The following BBS9 variants were observed in gnomAD, a reference collection of about 807,000 sequenced individuals.
BBS9 encodes protein PTHB1.
A neutral mutation model predicts 117.7 loss-of-function variants in BBS9; 89 were observed. The ratio of observed to expected loss-of-function variants is 0.76; its 90% CI spans 0.64 to 0.90. BBS9 has a LOEUF of 0.90. Among genes scored for constraint, BBS9 ranks in the 40% least tolerant of loss-of-function variants. The probability of loss-of-function intolerance (pLI) is 0.00; values close to 1 mark genes in which losing one functional copy is unlikely to be tolerated. For missense variants in BBS9, 982 were observed against 1,042.2 expected, an observed-to-expected ratio of 0.94 and a Z score of 0.80; for synonymous variants, 379 against 370.9, an observed-to-expected ratio of 1.02 and a Z score of -0.25.
chr7:33,311,285 T>G (rs1477164911), intron 9 of BBS9, among the ~76,000 whole-genome samples: 1 of 152,190 alleles, frequency 6.6e-6, no homozygotes, highest in Non-Finnish European at 1.5e-5. Flanking sequence ...TCCAGGGGTC[T>G]GTTCAAAGGG....
chr7:33,443,179 TTAAGCCAAATATC>T (rs891283697), intron 19 of BBS9, among the ~76,000 whole-genome samples: 37 of 152,296 alleles, frequency 2.4e-4, no homozygotes, highest in African/African-American at 8.4e-4. Flanking sequence ...GGAACTTGTT[TTAAGCCAAATATC>T]TTAAAACCCA....
At chr7:33,137,240 G>A (rs966170986) in intron 1 of BBS9, among the ~76,000 whole-genome samples, 1 of 152,160 alleles carries the variant, frequency 6.6e-6, no homozygotes, top group African/African-American at 2.4e-5. Flanking sequence ...ACTTTGGTTC[G>A]AAATTGGAGT....
chr7:33,353,670 A>C (rs1472945865), intron 15 of BBS9, among the ~76,000 whole-genome samples: 1 of 152,082 alleles, frequency 6.6e-6, no homozygotes, highest in East Asian at 1.9e-4. Flanking sequence ...TTTAGATAGC[A>C]ATATTAATTA....
intron 19 of BBS9, among the ~76,000 whole-genome samples, chr7:33,471,388 T>A (rs1841015438): frequency 6.6e-6 from 1 of 152,306 alleles, no homozygotes; most frequent in East Asian, 1.9e-4. Context: ...GCATAAAAAA[T>A]GGCAAGTTGG....
chr7:33,521,017 T>C (rs898384605), intron 20 of BBS9, among the ~76,000 whole-genome samples: 2 of 152,210 alleles, frequency 1.3e-5, no homozygotes, highest in African/African-American at 4.8e-5. Flanking sequence ...AAGTTGCTTC[T>C]GAGTAGTGCA....
chr7:33,152,346 T>C (rs954564854), intron 2 of BBS9, among the ~76,000 whole-genome samples: 2 of 152,184 alleles, frequency 1.3e-5, no homozygotes, highest in Non-Finnish European at 1.5e-5. Context: ...CAAGCAGTTA[T>C]AGAGTTGGCC....
At chr7:33,256,444 G>A (rs1797090662) in intron 5 of BBS9, among the ~76,000 whole-genome samples, 1 of 152,056 alleles carries the variant, frequency 6.6e-6, no homozygotes, top group South Asian at 2.1e-4. Flanking sequence ...AGAGTATAAT[G>A]CAGTAATAAG....
chr7:33,379,161 G>A (rs1386433002), intron 17 of BBS9, among the ~76,000 whole-genome samples: 2 of 152,188 alleles, frequency 1.3e-5, no homozygotes, highest in Non-Finnish European at 2.9e-5. Context: ...CTGCCTCAGT[G>A]CCTTTGTCCC....
At chr7:33,189,099 C>G (rs1158743733) in intron 5 of BBS9, among the ~76,000 whole-genome samples, 1 of 152,168 alleles carries the variant, frequency 6.6e-6, no homozygotes, top group African/African-American at 2.4e-5. Flanking sequence ...CAGCTTACTG[C>G]AACCTCTGCC....
At chr7:33,389,369 T>C (rs1826605136) in intron 19 of BBS9, among the ~76,000 whole-genome samples, 1 of 152,166 alleles carries the variant, frequency 6.6e-6, no homozygotes, top group Non-Finnish European at 1.5e-5. Flanking sequence ...ACTATGTTTT[T>C]GCTCATAATA....
At chr7:33,456,622 A>C (rs546581132) in intron 19 of BBS9, among the ~76,000 whole-genome samples, 1 of 151,986 alleles carries the variant, frequency 6.6e-6, no homozygotes, top group African/African-American at 2.4e-5. Context: ...CTCTCCCCTA[A>C]GTATTTTTTT....
chr7:33,142,158 T>A (rs1479665295), intron 1 of BBS9, among the ~76,000 whole-genome samples: 1 of 152,156 alleles, frequency 6.6e-6, no homozygotes, highest in African/African-American at 2.4e-5. Flanking sequence ...CCTGACCTCG[T>A]GATCCGCCCG....
At chr7:33,627,010 C>T (rs1303123043) in intron 21 of BBS9, among the ~76,000 whole-genome samples, 1 of 152,196 alleles carries the variant, frequency 6.6e-6, no homozygotes, top group Non-Finnish European at 1.5e-5. Flanking sequence ...TATTACTAGC[C>T]AAGACAATGG....
chr7:33,363,912 A>G (rs1235632727), intron 16 of BBS9, among the ~76,000 whole-genome samples: 1 of 151,366 alleles, frequency 6.6e-6, no homozygotes, highest in Non-Finnish European at 1.5e-5. Flanking sequence ...GTCATGATAT[A>G]TTATCTTTTC....
rs35682686 is a variant in BBS9 at position 33,593,382 on chromosome 7, CA to C, written c.2522-11479del. 7.2e-5 allele frequency among the ~76,000 whole-genome samples: 11 copies of C among 152,154 alleles called. 1 individual carries two copies. Among genetic ancestry groups the C allele is most frequent in the African/African-American group, 2.4e-4 (10 of 41,516 alleles). On this transcript the variant is annotated intron_variant, in intron 21 of 22. Transcript: ENST00000242067. ...AAAACCCTGTGATTGAAGACTTTAA[CA>C]AAATAGTGAGTAGAGGTTTTTTTTG... is the stretch of plus-strand genomic sequence containing the variant.
intron 9 of BBS9, among the ~76,000 whole-genome samples, chr7:33,304,729 T>A (rs1355473589): frequency 6.6e-6 from 1 of 151,958 alleles, no homozygotes; most frequent in Non-Finnish European, 1.5e-5. Context: ...AGAGATCAGA[T>A]TGTTACTGTG....
chr7:33,160,010 A>G (rs756909992), intron 4 of BBS9, among the ~76,000 whole-genome samples: 9 of 152,160 alleles, frequency 5.9e-5, no homozygotes, highest in African/African-American at 1.9e-4. Context: ...ATAATGCTCA[A>G]TGTGATGCAT....
Position 33,574,002 on chromosome 7 carries a change from C to T in BBS9, c.2522-30863C>T, listed in dbSNP as rs1049153802. Among the ~76,000 whole-genome samples, 3 of 152,050 alleles carry T rather than the reference C, an allele frequency of 2.0e-5. No individual in the cohort carries two copies. The South Asian group carries it at 6.2e-4, about 31-fold the overall frequency. On this transcript the variant is annotated intron_variant, in intron 21 of 22. Transcript: ENST00000242067. ...GGTAGAATATTTAAAAAGGAAGGTC[C>T]TCAAAGACTGTCCACTTCAACTTCT...
intron 19 of BBS9, among the ~76,000 whole-genome samples, chr7:33,475,344 G>A (rs149108676): frequency 1.3e-5 from 2 of 152,158 alleles, no homozygotes; most frequent in Non-Finnish European, 2.9e-5. Context: ...TGAAACATTA[G>A]CATTTGTTAG....
Sources: allele counts gnomAD v4.1 joint callset (sites outside exome capture counted in the v4.1 genomes callset), GRCh38; gene constraint gnomAD v4.1.1; transcripts MANE v1.5; gene names NCBI Gene and HGNC (gene_info 2026-07-23, HGNC 2026-07-21).